Variants in HS3ST3A1 observed in about 807,000 individuals in gnomAD.
HS3ST3A1 encodes heparan sulfate-glucosamine 3-sulfotransferase 3A1, also known as heparan sulfate glucosamine 3-O-sulfotransferase 3A1.
A neutral mutation model predicts 25.7 loss-of-function variants in HS3ST3A1; 19 were observed. The observed-to-expected ratio is 0.74, with a 90% CI of 0.52 to 1.08. HS3ST3A1 has a LOEUF of 1.08. Among genes scored for constraint, HS3ST3A1 ranks in the 50% least tolerant of loss-of-function variants. HS3ST3A1 has a pLI of 0.00. For missense variants in HS3ST3A1, 459 were observed against 594.3 expected (o/e 0.77, Z 2.37); for synonymous variants, 226 against 278.6 (o/e 0.81, Z 1.88).
At chr17:13,502,888 A>G (rs1433729923) in intron 1 of HS3ST3A1, among the ~76,000 whole-genome samples, 1 of 152,026 alleles carries the variant, frequency 6.6e-6, no homozygotes, top group Non-Finnish European at 1.5e-5. Context: ...ATGAAAAAAA[A>G]AAAAAAATAG....
chr17:13,585,030 T>G lies in HS3ST3A1; in HGVS notation c.599+15501A>C, dbSNP rs541353844. On this transcript the variant is annotated intron_variant, in intron 1 of 1. Coordinates refer to ENST00000284110, the MANE Select transcript of HS3ST3A1 (RefSeq NM_006042.3). ...AATAATAAAACCTGTATTCATCCTT[T>G]CTGTAGTATTTGATACCACGGACCT... 2.0e-5 allele frequency among the ~76,000 whole-genome samples: 3 copies of G among 152,190 alleles called. No individual in the cohort carries two copies. The South Asian group carries it at 6.2e-4, about 32-fold the overall frequency.
intron 1 of HS3ST3A1, among the ~76,000 whole-genome samples, chr17:13,589,674 C>T (rs1302177711): frequency 2.0e-5 from 3 of 152,282 alleles, no homozygotes; most frequent in East Asian, 3.9e-4. Context: ...ATTACACACA[C>T]ACACACACGC....
In HS3ST3A1 at chr17:13,520,082, A is replaced by G. The variant is rs147494140; in HGVS notation, c.600-23264T>C. Among the ~76,000 whole-genome samples the G allele has an allele frequency of 3.9e-5, 6 of 152,344 alleles. No homozygotes were observed. The East Asian group carries it at 9.6e-4, about 24-fold the overall frequency. ...CTCATCCATTGAAAAGAAATAATGA[A>G]TAGAAAATTCATGTTATAGAAATTA... On this transcript the variant is annotated intron_variant, in intron 1 of 1. Transcript: ENST00000284110.
At chr17:13,556,513 AG>A (rs1907378756) in intron 1 of HS3ST3A1, among the ~76,000 whole-genome samples, 1 of 79,116 alleles carries the variant, frequency 1.3e-5, no homozygotes, top group Non-Finnish European at 2.3e-5. Flanking sequence ...GTCTCAAAAA[AG>A]AAATAAAATA....
At chr17:13,556,400 C>T (rs1044299607) in intron 1 of HS3ST3A1, among the ~76,000 whole-genome samples, 7 of 151,560 alleles carry the variant, frequency 4.6e-5, no homozygotes, top group East Asian at 3.9e-4. Flanking sequence ...CCCAGCTACT[C>T]GGGAGGCTGA....
chr17:13,564,649 G>A (rs918468170), intron 1 of HS3ST3A1, among the ~76,000 whole-genome samples: 2 of 151,492 alleles, frequency 1.3e-5, no homozygotes, highest in Non-Finnish European at 1.5e-5. Flanking sequence ...GCTGGAGATT[G>A]GTTGAATCCC....
intron 1 of HS3ST3A1, among the ~76,000 whole-genome samples, chr17:13,566,453 C>T (rs965547421): frequency 5.3e-5 from 8 of 152,068 alleles, no homozygotes; most frequent in Admixed American, 4.6e-4. Context: ...ATCCCTACAA[C>T]GTTATAAATG....
At chr17:13,544,197 A>G (rs543051331) in intron 1 of HS3ST3A1, among the ~76,000 whole-genome samples, 2 of 152,236 alleles carry the variant, frequency 1.3e-5, no homozygotes, top group Non-Finnish European at 2.9e-5. Context: ...TTAAAAATAT[A>G]AATATAACTG....
chr17:13,578,902 C>T (rs62053905), intron 1 of HS3ST3A1, among the ~76,000 whole-genome samples: 15,210 of 152,086 alleles, frequency 0.1, 889 homozygotes, highest in Non-Finnish European at 0.13. Context: ...ATTAAAGATA[C>T]TCAAATTTGT....
intron 1 of HS3ST3A1, among the ~76,000 whole-genome samples, chr17:13,504,139 C>T (rs938467021): frequency 6.6e-6 from 1 of 151,920 alleles, no homozygotes; most frequent in Non-Finnish European, 1.5e-5. Flanking sequence ...TGGTGAAACC[C>T]CGTCTCTACC....
intron 1 of HS3ST3A1, among the ~76,000 whole-genome samples, chr17:13,532,893 G>A (rs1370391297): frequency 9.1e-6 from 1 of 110,262 alleles, no homozygotes; most frequent in Non-Finnish European, 1.8e-5. Context: ...GTGTGTGTGT[G>A]TATATGTTTA....
At chr17:13,598,604 T>G (rs1908642144) in intron 1 of HS3ST3A1, among the ~76,000 whole-genome samples, 1 of 152,168 alleles carries the variant, frequency 6.6e-6, no homozygotes, top group African/African-American at 2.4e-5. Context: ...CAAGAAGAGA[T>G]TTACTTTATA....
chr17:13,597,663 T>G (rs1908614144), intron 1 of HS3ST3A1, among the ~76,000 whole-genome samples: 2 of 152,242 alleles, frequency 1.3e-5, no homozygotes, highest in Non-Finnish European at 2.9e-5. Flanking sequence ...TTAGGACATT[T>G]AAATTAGTGA....
chr17:13,506,063 G>T (rs1172942954), intron 1 of HS3ST3A1, among the ~76,000 whole-genome samples: 2 of 145,680 alleles, frequency 1.4e-5, no homozygotes, highest in Admixed American at 1.4e-4. Context: ...TTCTGTTTCA[G>T]TAGAGTTGGA....
intron 1 of HS3ST3A1, among the ~76,000 whole-genome samples, chr17:13,534,546 C>A (rs1260871334): frequency 8.2e-5 from 2 of 24,328 alleles, no homozygotes; most frequent in South Asian, 1.1e-3. Context: ...TCTACAAAAT[C>A]CAAAAAAAAA....
intron 1 of HS3ST3A1, among the ~76,000 whole-genome samples, chr17:13,594,961 G>A (rs1294571184): frequency 1.3e-5 from 2 of 152,128 alleles, no homozygotes; most frequent in South Asian, 2.1e-4. Flanking sequence ...ACTAGGTGGC[G>A]CTACATATCA....
chr17:13,536,390 T>C (rs1906771238), intron 1 of HS3ST3A1, among the ~76,000 whole-genome samples: 1 of 152,196 alleles, frequency 6.6e-6, no homozygotes, highest in African/African-American at 2.4e-5. Flanking sequence ...GAAAATATAC[T>C]CTTTGTTAAT....
chr17:13,498,622 A>G (rs370045242), intron 1 of HS3ST3A1, among the ~76,000 whole-genome samples: 1 of 152,214 alleles, frequency 6.6e-6, no homozygotes, highest in African/African-American at 2.4e-5. Flanking sequence ...AGAAGGAAGG[A>G]AGGCATGTGC....
chr17:13,569,877 T>A (rs1297650660), intron 1 of HS3ST3A1, among the ~76,000 whole-genome samples: 1 of 152,228 alleles, frequency 6.6e-6, no homozygotes, highest in Non-Finnish European at 1.5e-5. Flanking sequence ...ACATTCTCTG[T>A]TCGTCTCCAT....
Sources: gnomAD v4.1 joint callset for allele counts (sites outside exome capture counted in the v4.1 genomes callset) on GRCh38, gnomAD v4.1.1 for gene constraint, MANE v1.5 for transcripts, NCBI Gene and HGNC (gene_info 2026-07-23, HGNC 2026-07-21) for gene names.